PLSCR1: variants seen among roughly 807,000 people sequenced by gnomAD.
PLSCR1 encodes phospholipid scramblase 1.
Under a neutral mutation model 37.8 loss-of-function variants are expected in PLSCR1, and 17 were observed. The observed-to-expected ratio is 0.45, with a 90% CI of 0.31 to 0.68. PLSCR1 has a LOEUF of 0.68. PLSCR1 is among the 30% of genes least tolerant of loss of function. The pLI is 0.06. For synonymous variants in PLSCR1, 116 were observed against 125.9 expected (o/e 0.92, Z 0.53); for missense variants, 347 against 380.9 (o/e 0.91, Z 0.74).
chr3:146,533,553 G>T lies in PLSCR1; in HGVS notation c.14-3C>A. Reference sequence around the variant, plus strand: ...GTGAGAAGCATTCATCTGTGAGTCTGCAATTCAAGGAGAGGTAAATAGATG... The same window carrying T: ...GTGAGAAGCATTCATCTGTGAGTCTTCAATTCAAGGAGAGGTAAATAGATG... On this transcript the variant is annotated splice_region_variant and splice_polypyrimidine_tract_variant and intron_variant, in intron 2 of 8. Transcript: ENST00000342435. 1 of 1,580,356 alleles carries T rather than the reference G, an allele frequency of 6.3e-7. No homozygotes were observed. Among genetic ancestry groups the T allele is most frequent in the Non-Finnish European group, 8.7e-7 (1 of 1,152,068 alleles).
chr3:146,516,837 C>A, intron 8 of PLSCR1, 169 bp downstream of exon 8: 1 of 532,498 alleles, frequency 1.9e-6, no homozygotes, highest in South Asian at 2.6e-5. Flanking sequence ...TCACCTGTGA[C>A]CCCAGAGTGT....
chr3:146,533,690 C>A, intron 2 of PLSCR1, 140 bp from the exon 3 acceptor site: 1 of 449,324 alleles, frequency 2.2e-6, no homozygotes, highest in Non-Finnish European at 3.9e-6. Context: ...TTTCACTTAA[C>A]GTAAGCTGTG....
At chr3:146,522,239 G>A (rs916963430) in intron 5 of PLSCR1, among the ~76,000 whole-genome samples, 186 bp from the exon 6 acceptor site, 3 of 152,102 alleles carry the variant, frequency 2.0e-5, no homozygotes, top group African/African-American at 7.2e-5. Flanking sequence ...GATTACCAAT[G>A]TATAGAGAAA....
At position 146,533,512 on chromosome 3, in the gene PLSCR1, G is replaced by C; in HGVS notation, c.52C>G (p.Pro18Ala). 1 of 1,607,676 alleles carries C rather than the reference G, an allele frequency of 6.2e-7. No homozygotes were observed. The highest frequency in any genetic ancestry group is 8.5e-7 in the Non-Finnish European group (1 of 1,175,416). ...MNASHPETNL[P>A]VGYPPQYPPT... ...GGATACTGAGGAGGATACCCAACTG[G>C]CAAGTTTGTTTCCGGGTGAGAAGCA... The change falls in exon 3 of 9, where the codon CCA becomes GCA. Residue 18 changes from proline (P) to alanine (A), a missense_variant. By Grantham distance (27) the Pro-to-Ala change is conservative. Coordinates refer to ENST00000342435, the MANE Select transcript of PLSCR1 (RefSeq NM_021105.3).
chr3:146,533,914 G>A (rs1241338902), intron 2 of PLSCR1, among the ~76,000 whole-genome samples: 35 of 152,160 alleles, frequency 2.3e-4, no homozygotes. Context: ...TTAATGGGAT[G>A]TGAAGATGGT....
intron 4 of PLSCR1, among the ~76,000 whole-genome samples, chr3:146,527,444 C>T (rs1177392198): frequency 6.6e-6 from 1 of 152,136 alleles, no homozygotes; most frequent in Non-Finnish European, 1.5e-5. Flanking sequence ...CCAGACTGTA[C>T]TCCATAAATA....
At chr3:146,539,929 C>T (rs965239670) in intron 1 of PLSCR1, among the ~76,000 whole-genome samples, 7 of 152,110 alleles carry the variant, frequency 4.6e-5, no homozygotes, top group Admixed American at 2.6e-4. Context: ...ATGTGGATGC[C>T]TACATTCCTG....
intron 7 of PLSCR1, 80 bp from the exon 8 acceptor site, chr3:146,517,247 CAA>C (rs1300718544): frequency 1.3e-6 from 1 of 746,736 alleles, no homozygotes; most frequent in East Asian, 3.0e-5. Flanking sequence ...TAAGATGAAA[CAA>C]ATATGGTATT....
intron 2 of PLSCR1, among the ~76,000 whole-genome samples, chr3:146,533,751 T>C (rs2044230640): frequency 6.6e-6 from 1 of 152,226 alleles, no homozygotes; most frequent in Non-Finnish European, 1.5e-5. Context: ...AAACAAATTC[T>C]CCTTTAGATA....
At chr3:146,535,863 A>G (rs1322640849) in intron 2 of PLSCR1, among the ~76,000 whole-genome samples, 1 of 152,200 alleles carries the variant, frequency 6.6e-6, no homozygotes, top group African/African-American at 2.4e-5. Flanking sequence ...GTGACAGATA[A>G]ATATTTTTTT....
At chr3:146,537,742 C>T (rs763046243) in intron 1 of PLSCR1, among the ~76,000 whole-genome samples, 3 of 152,022 alleles carry the variant, frequency 2.0e-5, no homozygotes, top group East Asian at 3.9e-4. Context: ...TGGTGGCATG[C>T]GCTTGTAGTC....
chr3:146,527,005 G>T (rs1043436056), intron 4 of PLSCR1, among the ~76,000 whole-genome samples: 1 of 152,124 alleles, frequency 6.6e-6, no homozygotes, highest in African/African-American at 2.4e-5. Context: ...GGGTGTGGTG[G>T]CAGGAGCCTG....
rs2044148106 is a variant in PLSCR1, at chr3:146,528,402, A to G, written c.312+212T>C. The stretch of plus-strand genomic sequence containing the variant: ...TGTTTGCTATTGGCCATTATCATAG[A>G]TTGTATTTAAGATAACAGAAAATAC... On this transcript the variant is annotated intron_variant, in intron 4 of 8. Transcript: ENST00000342435. 6.6e-5 allele frequency: 38 copies of G among 576,382 alleles called. 1 individual carries two copies. In the South Asian group the frequency reaches 7.6e-4, roughly 12 times the overall value. 35.7% of individuals were successfully genotyped at this position (576,382 alleles called of 1,614,324 possible).
intron 5 of PLSCR1, among the ~76,000 whole-genome samples, chr3:146,522,687 C>T (rs1374140416): frequency 6.6e-6 from 1 of 152,126 alleles, no homozygotes; most frequent in Non-Finnish European, 1.5e-5. Context: ...CGTAAAGGGT[C>T]TGCACTGAGG....
chr3:146,521,589 AC>A lies in PLSCR1; in HGVS notation c.692del (p.Ser231MetfsTer37), dbSNP rs2044020853. 1 of 1,613,846 alleles carries A rather than the reference AC, an allele frequency of 6.2e-7. No homozygotes were observed. The highest frequency in any genetic ancestry group is 1.1e-5 in the South Asian group (1 of 91,086). On this transcript the variant is annotated frameshift_variant, in exon 7 of 9. Coordinates refer to ENST00000342435, the MANE Select transcript of PLSCR1 (RefSeq NM_021105.3). LOFTEE classifies it high-confidence loss of function. ...AACAGCTGCACACAACACATGGACC[AC>A]TTATTTTTAGTACATCCTCTCTTTT... Reference protein sequence around the residue: ...NEKREDVLKISGPCVVCSCCG... With the variant: ...NEKREDVLKIXGPCVVCSCCG...
chr3:146,529,427 A>C (rs954477913), intron 3 of PLSCR1, among the ~76,000 whole-genome samples: 1 of 152,174 alleles, frequency 6.6e-6, no homozygotes, highest in Non-Finnish European at 1.5e-5. Flanking sequence ...TAAAAGAGCC[A>C]GAACAGCTCC....
chr3:146,534,453 A>T (rs1234098299), intron 2 of PLSCR1, among the ~76,000 whole-genome samples: 1 of 152,194 alleles, frequency 6.6e-6, no homozygotes, highest in East Asian at 1.9e-4. Context: ...ATATAGGTCA[A>T]ACTTTCACTG....
At chr3:146,524,659 T>C (rs2044081375) in intron 5 of PLSCR1, among the ~76,000 whole-genome samples, 1 of 151,926 alleles carries the variant, frequency 6.6e-6, no homozygotes, top group Admixed American at 6.6e-5. Flanking sequence ...AAATTCAGAA[T>C]ACAAAGCTGT....
At chr3:146,517,378 G>A (rs920811275) in intron 7 of PLSCR1, 3 of 275,850 alleles carry the variant, frequency 1.1e-5, no homozygotes, top group Non-Finnish European at 2.0e-5. Context: ...AAGTTTTCCT[G>A]AAATATTTAA....
Sources: allele counts gnomAD v4.1 joint callset (sites outside exome capture counted in the v4.1 genomes callset), GRCh38; gene constraint gnomAD v4.1.1; transcripts MANE v1.5; gene names NCBI Gene and HGNC (gene_info 2026-07-23, HGNC 2026-07-21).